The following GRIP1 variants were observed in gnomAD, a reference collection of about 807,000 sequenced individuals.
GRIP1 encodes the protein glutamate receptor-interacting protein 1.
In GRIP1, 45 loss-of-function variants were observed where a neutral mutation model predicts 129.9. That is an observed-to-expected ratio of 0.35 (90% CI 0.27 to 0.44). GRIP1 has a LOEUF of 0.44. GRIP1 is among the 20% of genes least tolerant of loss of function. GRIP1 has a pLI of 1.00. For synonymous variants in GRIP1, 530 were observed against 520.8 expected (o/e 1.02, Z -0.24); for missense variants, 1,196 against 1,396.8 (o/e 0.86, Z 2.29).
At chr12:66,366,410 A>G (rs1403140989) in intron 23 of GRIP1, among the ~76,000 whole-genome samples, 1 of 152,204 alleles carries the variant, frequency 6.6e-6, no homozygotes, top group African/African-American at 2.4e-5. Context: ...CCCCTCTTGG[A>G]AAACTCAAAA....
rs920701114 is a variant in GRIP1, at chr12:66,432,586, G to A, written c.1730C>T (p.Pro577Leu). ...TCCAAGTTCCACATTGTGCTTCTTA[G>A]GCAGCTTTACATGAAATGTTCCACT... ...PSSGTFHVKL[P>L]KKHNVELGIT... The change falls in exon 14 of 25, where the codon CCT becomes CTT. Residue 577 changes from proline (P) to leucine (L), a missense_variant. Physicochemically the swap from Pro to Leu is moderately conservative, Grantham distance 98. Transcript: ENST00000359742. 4 of 1,605,218 alleles carry A rather than the reference G, an allele frequency of 2.5e-6. No homozygotes were observed. The highest frequency in any genetic ancestry group is 1.1e-5 in the South Asian group (1 of 90,892).
chr12:66,464,321 TTA>T (rs1321074786), intron 8 of GRIP1, among the ~76,000 whole-genome samples: 3 of 152,236 alleles, frequency 2.0e-5, no homozygotes, highest in African/African-American at 2.4e-5. Flanking sequence ...TCTTCCCCTT[TTA>T]CCTTACGAGT....
intron 1 of GRIP1, among the ~76,000 whole-genome samples, chr12:66,794,764 G>C (rs546523117): frequency 7.3e-4 from 111 of 152,264 alleles, no homozygotes; most frequent in African/African-American, 2.2e-3. Context: ...TTTTATGCCT[G>C]ATCATCTTCC....
At chr12:66,511,535 C>T (rs1697234669) in intron 7 of GRIP1, among the ~76,000 whole-genome samples, 1 of 152,198 alleles carries the variant, frequency 6.6e-6, no homozygotes, top group Admixed American at 6.5e-5. Flanking sequence ...TTGGGCCATT[C>T]AACATATGTT....
intron 2 of GRIP1, among the ~76,000 whole-genome samples, chr12:66,577,712 G>A (rs1489876324): frequency 1.3e-5 from 2 of 152,150 alleles, no homozygotes; most frequent in Non-Finnish European, 2.9e-5. Flanking sequence ...TACTTTGGGA[G>A]GCTGAGATGG....
At chr12:66,851,134 A>G (rs2039903893) in intron 1 of GRIP1, among the ~76,000 whole-genome samples, 2 of 151,688 alleles carry the variant, frequency 1.3e-5, no homozygotes, top group Non-Finnish European at 2.9e-5. Flanking sequence ...TTGAGAACAA[A>G]GGATAAGCTG....
At chr12:66,360,519 C>T (rs774644055) in intron 23 of GRIP1, among the ~76,000 whole-genome samples, 5 of 152,128 alleles carry the variant, frequency 3.3e-5, no homozygotes, top group Non-Finnish European at 5.9e-5. Flanking sequence ...GTGAGCTTCT[C>T]GGAACATAAC....
intron 5 of GRIP1, among the ~76,000 whole-genome samples, chr12:66,518,345 A>G (rs1395510441): frequency 6.6e-6 from 1 of 152,152 alleles, no homozygotes; most frequent in Non-Finnish European, 1.5e-5. Context: ...AATACTGGTC[A>G]GTAGGTCTAC....
At chr12:66,476,368 T>C (rs2059612361) in intron 7 of GRIP1, among the ~76,000 whole-genome samples, 2 of 152,156 alleles carry the variant, frequency 1.3e-5, no homozygotes, top group African/African-American at 4.8e-5. Flanking sequence ...ATTGAAGCAA[T>C]AATTAATAGC....
At chr12:66,969,725 T>C (rs1036045749) in intron 1 of GRIP1, among the ~76,000 whole-genome samples, 8 of 152,206 alleles carry the variant, frequency 5.3e-5, no homozygotes, top group Non-Finnish European at 1.0e-4. Flanking sequence ...CTCTTTTTTT[T>C]CCCATTCTTT....
Position 66,580,135 on chromosome 12 carries a change from G to C in GRIP1, c.136+16712C>G, listed in dbSNP as rs1334598100. Among the ~76,000 whole-genome samples, 11 of 147,290 alleles carry C rather than the reference G, an allele frequency of 7.5e-5. No individual in the cohort carries two copies. In the South Asian group the frequency reaches 2.0e-3, roughly 27 times the overall value. Reference sequence around the variant, plus strand: ...CTTAAAGAAAAGAATTTTCAACCCAGAATTTCATATCCAGCCAAACTAAGC... The same window carrying C: ...CTTAAAGAAAAGAATTTTCAACCCACAATTTCATATCCAGCCAAACTAAGC... On this transcript the variant is annotated intron_variant, in intron 2 of 24. Transcript: ENST00000359742.
intron 5 of GRIP1, among the ~76,000 whole-genome samples, chr12:66,529,307 G>T (rs115316080): frequency 0.019 from 2,961 of 152,232 alleles, 85 homozygotes; most frequent in African/African-American, 0.065. Flanking sequence ...CAGAGGAAAA[G>T]AAGTCATAAT....
intron 1 of GRIP1, among the ~76,000 whole-genome samples, chr12:66,943,032 G>A (rs10784600): frequency 0.29 from 43,678 of 152,050 alleles, 9,653 homozygotes; most frequent in African/African-American, 0.62. Flanking sequence ...TGTTTAAGCC[G>A]CCCAGTCTGC....
intron 1 of GRIP1, among the ~76,000 whole-genome samples, chr12:66,992,394 A>C (rs1053269646): frequency 2.0e-5 from 3 of 152,120 alleles, no homozygotes; most frequent in African/African-American, 7.2e-5. Context: ...TTTTTTTTTA[A>C]ATACAATTCC....
At chr12:67,022,405 A>G (rs1379047173) in intron 1 of GRIP1, among the ~76,000 whole-genome samples, 1 of 152,228 alleles carries the variant, frequency 6.6e-6, no homozygotes, top group Non-Finnish European at 1.5e-5. Flanking sequence ...ACATTTATGT[A>G]CATGTATTTT....
At chr12:66,384,058 G>T (rs970290710) in intron 19 of GRIP1, among the ~76,000 whole-genome samples, 3 of 152,190 alleles carry the variant, frequency 2.0e-5, no homozygotes, top group Non-Finnish European at 4.4e-5. Context: ...TTACATACCA[G>T]CTCGAAGTGC....
intron 1 of GRIP1, among the ~76,000 whole-genome samples, chr12:66,905,682 TAGA>T (rs772186540): frequency 1.3e-5 from 2 of 152,210 alleles, no homozygotes; most frequent in Non-Finnish European, 2.9e-5. Flanking sequence ...TTCAGCTGAT[TAGA>T]AGGTCTTATT....
At chr12:66,475,234 G>C (rs192605876) in intron 7 of GRIP1, among the ~76,000 whole-genome samples, 1 of 152,150 alleles carries the variant, frequency 6.6e-6, no homozygotes, top group East Asian at 1.9e-4. Flanking sequence ...GACAAAGAAG[G>C]CCATTACATA....
chr12:66,922,403 T>C (rs561149755), intron 1 of GRIP1, among the ~76,000 whole-genome samples: 7 of 152,212 alleles, frequency 4.6e-5, no homozygotes, highest in Non-Finnish European at 1.0e-4. Context: ...CTATTTACAT[T>C]CTTAGCTTGT....
Sources: gnomAD v4.1 joint callset for allele counts (sites outside exome capture counted in the v4.1 genomes callset) on GRCh38, gnomAD v4.1.1 for gene constraint, MANE v1.5 for transcripts, NCBI Gene and HGNC (gene_info 2026-07-23, HGNC 2026-07-21) for gene names.